Variants in UQCC6 observed in about 807,000 individuals in gnomAD.
UQCC6 encodes ubiquinol-cytochrome c reductase complex assembly factor 6.
At chr12:103,961,921 A>G in the UQCC6 span, among the ~76,000 whole-genome samples, 3 of 152,150 alleles carry the variant, frequency 2.0e-5, no homozygotes, top group Non-Finnish European at 2.9e-5. Flanking sequence ...TTGTGTTACA[A>G]TTGCCTACAG....
At chr12:103,953,250 A>G in the UQCC6 span, 1 of 674,740 alleles carries the variant, frequency 1.5e-6, no homozygotes, top group Admixed American at 2.1e-5. Context: ...AGGTGGTGAG[A>G]AGCAGGCAGC....
the UQCC6 span, among the ~76,000 whole-genome samples, chr12:103,961,613 G>C: frequency 6.6e-6 from 1 of 152,110 alleles, no homozygotes; most frequent in African/African-American, 2.4e-5. Flanking sequence ...CTAGAGTGCA[G>C]TGGCTCAATC....
the UQCC6 span, among the ~76,000 whole-genome samples, chr12:103,961,575 G>A: frequency 6.8e-6 from 1 of 146,170 alleles, no homozygotes; most frequent in African/African-American, 2.5e-5. Context: ...TTGTTGTTTT[G>A]AGACAGAGTC....
chr12:103,961,109 A>C, the UQCC6 span, among the ~76,000 whole-genome samples: 2 of 151,998 alleles, frequency 1.3e-5, no homozygotes, highest in Non-Finnish European at 2.9e-5. Context: ...GATACTGACG[A>C]TCTTGACCCT....
chr12:103,956,972 A>T, the UQCC6 span: 1 of 520,802 alleles, frequency 1.9e-6, no homozygotes, highest in South Asian at 2.6e-5. Context: ...CCAATCGTTT[A>T]TCAGTGAGGG....
chr12:103,960,398 TCAG>T, the UQCC6 span, among the ~76,000 whole-genome samples: 1 of 152,148 alleles, frequency 6.6e-6, no homozygotes, highest in Non-Finnish European at 1.5e-5. Context: ...TACATTCCCA[TCAG>T]CAGTGTATGA....
chr12:103,951,730 A>C, the UQCC6 span: 1 of 644,628 alleles, frequency 1.6e-6, no homozygotes, highest in Non-Finnish European at 2.7e-6. Context: ...AATAACAAAA[A>C]GTTCCCTTGC....
chr12:103,958,647 T>C, the UQCC6 span, among the ~76,000 whole-genome samples: 4 of 152,258 alleles, frequency 2.6e-5, no homozygotes, highest in African/African-American at 7.2e-5. Context: ...TCACTCCTTA[T>C]TGCTAGGTGG....
At chr12:103,962,602 G>T in the UQCC6 span, among the ~76,000 whole-genome samples, 1 of 152,154 alleles carries the variant, frequency 6.6e-6, no homozygotes, top group Admixed American at 6.5e-5. Context: ...CTTTGCCATG[G>T]CAACACCCAG....
chr12:103,956,344 G>A, the UQCC6 span: 3 of 291,376 alleles, frequency 1.0e-5, no homozygotes, highest in Non-Finnish European at 1.3e-5. Flanking sequence ...ACAGGGGAAA[G>A]AACTGGTAAA....
chr12:103,956,752 G>T, the UQCC6 span: 1 of 1,534,142 alleles, frequency 6.5e-7, no homozygotes, highest in Non-Finnish European at 8.8e-7. Flanking sequence ...CGGCAGGCTG[G>T]ACGGGGAAGG....
the UQCC6 span, chr12:103,955,909 C>T: frequency 7.0e-6 from 3 of 425,870 alleles, no homozygotes; most frequent in East Asian, 7.0e-5. Context: ...TAAATTTCTC[C>T]TTCCTTTGAA....
chr12:103,964,363 C>T, the UQCC6 span, among the ~76,000 whole-genome samples: 2 of 152,064 alleles, frequency 1.3e-5, no homozygotes, highest in East Asian at 1.9e-4. Context: ...GGTGATCCAC[C>T]CGCCTCGGCC....
chr12:103,957,671 G>T, the UQCC6 span, among the ~76,000 whole-genome samples: 2 of 152,044 alleles, frequency 1.3e-5, no homozygotes, highest in Non-Finnish European at 2.9e-5. Flanking sequence ...TGGGAAAGGG[G>T]AAATTTGAAA....
chr12:103,950,308 G>C, the UQCC6 span: 1 of 142,486 alleles, frequency 7.0e-6, no homozygotes, highest in African/African-American at 2.6e-5. Flanking sequence ...CACACCCTTC[G>C]ATCAACACCT....
chr12:103,961,009 C>A, the UQCC6 span, among the ~76,000 whole-genome samples: 31 of 151,906 alleles, frequency 2.0e-4, no homozygotes, highest in East Asian at 5.8e-3. Context: ...TCACAAGGTA[C>A]TCCAGAAAGC....
the UQCC6 span, among the ~76,000 whole-genome samples, chr12:103,963,655 T>G: frequency 6.6e-6 from 1 of 152,250 alleles, no homozygotes; most frequent in Non-Finnish European, 1.5e-5. Flanking sequence ...CTTTTTATGA[T>G]AGAAATCTTG....
chr12:103,960,225 C>T, the UQCC6 span, among the ~76,000 whole-genome samples: 2 of 152,076 alleles, frequency 1.3e-5, no homozygotes, highest in African/African-American at 4.8e-5. Context: ...CAGGCGCCAC[C>T]ACGCCTGGCT....
the UQCC6 span, chr12:103,953,303 T>C: frequency 4.3e-6 from 3 of 699,166 alleles, no homozygotes; most frequent in Admixed American, 6.0e-5. Flanking sequence ...GATCTGCTCA[T>C]ATGTACAGTA....
Sources: gnomAD v4.1 joint callset for allele counts (sites outside exome capture counted in the v4.1 genomes callset) on GRCh38, gnomAD v4.1.1 for gene constraint, MANE v1.5 for transcripts, NCBI Gene and HGNC (gene_info 2026-07-23, HGNC 2026-07-21) for gene names.